Variants in ARHGEF26 observed in about 807,000 individuals in gnomAD.
ARHGEF26 encodes the protein Rho guanine nucleotide exchange factor 26.
In ARHGEF26, 59 loss-of-function variants were observed where a neutral mutation model predicts 89.4. The ratio of observed to expected loss-of-function variants is 0.66; its 90% CI spans 0.54 to 0.82. The LOEUF is 0.82. Among genes scored for constraint, ARHGEF26 ranks in the 40% least tolerant of loss-of-function variants. The pLI is 0.00. For synonymous variants in ARHGEF26, 500 were observed against 428.4 expected (o/e 1.17, Z -2.06); for missense variants, 1,234 against 1,085.6 (o/e 1.14, Z -1.92).
chr3:154,194,538 G>A (rs928646170), intron 8 of ARHGEF26, 106 bp from the exon 9 acceptor site: 4 of 749,922 alleles, frequency 5.3e-6, no homozygotes, highest in South Asian at 3.4e-5. Context: ...CCGTAATATC[G>A]TGTTTGGCAT....
At position 154,122,597 on chromosome 3, in the gene ARHGEF26, T is replaced by C; in HGVS notation, c.605T>C (p.Leu202Pro). 2 of 1,613,634 alleles carry C rather than the reference T, an allele frequency of 1.2e-6. No individual in the cohort carries two copies. The highest frequency in any genetic ancestry group is 1.7e-6 in the Non-Finnish European group (2 of 1,179,868). Reference protein sequence around the residue: ...GRKAKDPERGLFPGPQKSSSE... With the variant: ...GRKAKDPERGPFPGPQKSSSE... ...AAGGCAAAGGACCCCGAACGGGGGCTCTTTCCTGGGCCCCAGAAAAGTTCT... is the reference window on the plus strand; with the variant it reads ...AAGGCAAAGGACCCCGAACGGGGGCCCTTTCCTGGGCCCCAGAAAAGTTCT... Residue 202 changes from leucine (L) to proline (P), a missense_variant, in exon 2 of 15, where the codon CTC (leucine) becomes CCC (proline). Transcript: ENST00000465093.
At chr3:154,130,597 CTTTTGTT>C (rs952692716) in intron 4 of ARHGEF26, among the ~76,000 whole-genome samples, 1 of 152,028 alleles carries the variant, frequency 6.6e-6, no homozygotes, top group Non-Finnish European at 1.5e-5. Flanking sequence ...CATCAGACAC[CTTTTGTT>C]TTTTAACTGT....
At chr3:154,202,364 A>C (rs1036993949) in intron 9 of ARHGEF26, among the ~76,000 whole-genome samples, 5 of 152,028 alleles carry the variant, frequency 3.3e-5, no homozygotes, top group Non-Finnish European at 7.3e-5. Context: ...CTTGGTCTAT[A>C]TCTCTGTTTT....
At chr3:154,138,204 C>T (rs1260929576) in intron 4 of ARHGEF26, among the ~76,000 whole-genome samples, 1 of 151,904 alleles carries the variant, frequency 6.6e-6, no homozygotes, top group African/African-American at 2.4e-5. Context: ...GAGCCATAGG[C>T]TTTCTCTGTA....
chr3:154,242,819 C>CA (rs140410926), intron 12 of ARHGEF26, among the ~76,000 whole-genome samples: 31 of 144,806 alleles, frequency 2.1e-4, no homozygotes, highest in Admixed American at 2.8e-4. Context: ...CAGCAGCCAT[C>CA]AAAAAAAAAA....
At position 154,187,935 on chromosome 3, in the gene ARHGEF26, A is replaced by G. The variant is rs920801661; in HGVS notation, c.1640+98A>G. 5.1e-6 allele frequency: 6 copies of G among 1,176,712 alleles called. No homozygotes were observed. In the African/African-American group the frequency reaches 9.2e-5, roughly 18 times the overall value. 72.9% of individuals were successfully genotyped at this position (1,176,712 alleles called of 1,614,324 possible). A position where few individuals can be genotyped will look rare whatever the true frequency, so the allele number is the denominator to read the frequency against. On this transcript the variant is annotated intron_variant, in intron 7 of 14. Transcript: ENST00000465093. ...TTGATCTTTTGAATTATATTTAGAAATGCCTCCTGATAGGCTATTTCCCAG... is the reference window on the plus strand; with the variant it reads ...TTGATCTTTTGAATTATATTTAGAAGTGCCTCCTGATAGGCTATTTCCCAG...
At chr3:154,219,306 C>G (rs986117569) in intron 10 of ARHGEF26, among the ~76,000 whole-genome samples, 2 of 152,090 alleles carry the variant, frequency 1.3e-5, no homozygotes, top group African/African-American at 4.8e-5. Context: ...TTAAGAAACT[C>G]TGTCTAGGCC....
In ARHGEF26 at chr3:154,188,702, AC is replaced by A. The variant is rs747238490; in HGVS notation, c.1640+869del. ...GGTCAACTTCTGTGCAATATGTGAG[AC>A]CCCTATGGAGGAGTAGGGGTTGAGG... On this transcript the variant is annotated intron_variant, in intron 7 of 14. Transcript: ENST00000465093. Among the ~76,000 whole-genome samples the A allele has an allele frequency of 9.2e-5, 14 of 152,010 alleles. No homozygotes were observed. The East Asian group carries it at 1.9e-3, about 21-fold the overall frequency.
In ARHGEF26 at chr3:154,159,542, C is replaced by T. The variant is rs544499250; in HGVS notation, c.1487+6610C>T. 6.6e-5 allele frequency among the ~76,000 whole-genome samples: 10 copies of T among 152,102 alleles called. No individual in the cohort carries two copies. The East Asian group carries it at 1.9e-3, about 29-fold the overall frequency. ...TAGTACTTACCCCGCACTTGCTTCT[C>T]CAGAAGTTTTTTCCCTAATTTTAAT... On this transcript the variant is annotated intron_variant, in intron 6 of 14. Coordinates refer to ENST00000465093, the MANE Select transcript of ARHGEF26 (RefSeq NM_015595.4).
In ARHGEF26 at chr3:154,256,859, T is replaced by C; in HGVS notation, c.*1386T>C. 6.5e-7 allele frequency: 1 copy of C among 1,533,974 alleles called. No individual in the cohort carries two copies. On this transcript the variant is annotated 3_prime_UTR_variant, in exon 15 of 15. Transcript: ENST00000465093. ...GTGAGTTTCTATAGAACTTTACTTT[T>C]TCCACTAGTGCACAGAGAGAGAAAG... is the stretch of plus-strand genomic sequence containing the variant.
intron 6 of ARHGEF26, among the ~76,000 whole-genome samples, chr3:154,181,832 A>G (rs1035890168): frequency 2.0e-5 from 3 of 152,214 alleles, no homozygotes; most frequent in Admixed American, 2.0e-4. Flanking sequence ...TATCAGTGAT[A>G]AAAGCAAGGT....
intron 12 of ARHGEF26, among the ~76,000 whole-genome samples, chr3:154,245,058 C>T (rs928088928): frequency 1.3e-5 from 2 of 152,182 alleles, no homozygotes; most frequent in African/African-American, 4.8e-5. Flanking sequence ...GACAGAGTTT[C>T]ACTCTGTCGC....
chr3:154,131,196 G>T (rs1033415269), intron 4 of ARHGEF26, among the ~76,000 whole-genome samples: 1 of 152,264 alleles, frequency 6.6e-6, no homozygotes. Context: ...GGGAGCTGTG[G>T]TGAACAGGCC....
chr3:154,211,863 A>ATG (rs1235907418), intron 9 of ARHGEF26, among the ~76,000 whole-genome samples: 2 of 68,920 alleles, frequency 2.9e-5, no homozygotes, highest in East Asian at 8.3e-4. Context: ...GTGTGTATAT[A>ATG]TATATGTGTG....
chr3:154,146,164 G>T (rs1048004825), intron 4 of ARHGEF26, among the ~76,000 whole-genome samples: 16 of 152,212 alleles, frequency 1.1e-4, no homozygotes, highest in Non-Finnish European at 2.1e-4. Flanking sequence ...TTGGTGTTTG[G>T]CAAGGGGCTG....
chr3:154,209,797 C>G (rs1258870940), intron 9 of ARHGEF26, among the ~76,000 whole-genome samples: 1 of 152,166 alleles, frequency 6.6e-6, no homozygotes, highest in Non-Finnish European at 1.5e-5. Context: ...TACAGTCAGT[C>G]GACGGCAAAG....
At chr3:154,198,638 A>G (rs769403078) in intron 9 of ARHGEF26, among the ~76,000 whole-genome samples, 9 of 152,164 alleles carry the variant, frequency 5.9e-5, no homozygotes, top group Non-Finnish European at 1.3e-4. Flanking sequence ...TGGAAAACCA[A>G]ATATCATGTG....
chr3:154,167,464 T>A (rs2108130908), intron 6 of ARHGEF26, among the ~76,000 whole-genome samples: 1 of 152,316 alleles, frequency 6.6e-6, no homozygotes, highest in South Asian at 2.1e-4. Context: ...AGATTAATAG[T>A]CTTTATCAGA....
At chr3:154,149,934 A>C (rs1184994814) in intron 5 of ARHGEF26, among the ~76,000 whole-genome samples, 1 of 151,868 alleles carries the variant, frequency 6.6e-6, no homozygotes, top group Non-Finnish European at 1.5e-5. Context: ...GTAAAAAAAA[A>C]AAAAACAGGT....
Sources: gnomAD v4.1 joint callset for allele counts (sites outside exome capture counted in the v4.1 genomes callset) on GRCh38, gnomAD v4.1.1 for gene constraint, MANE v1.5 for transcripts, NCBI Gene and HGNC (gene_info 2026-07-23, HGNC 2026-07-21) for gene names.